Variants in METAP1 observed in about 807,000 individuals in gnomAD.
METAP1 encodes methionyl aminopeptidase 1, also known as methionine aminopeptidase 1.
Under a neutral mutation model 53.8 loss-of-function variants are expected in METAP1, and 28 were observed. That is an observed-to-expected ratio of 0.52 (90% CI 0.39 to 0.71). METAP1 has a LOEUF of 0.71. Among genes scored for constraint, METAP1 ranks in the 30% least tolerant of loss-of-function variants. The pLI is 0.00. For synonymous variants in METAP1, 181 were observed against 165.7 expected, an observed-to-expected ratio of 1.09 and a Z score of -0.71; for missense variants, 389 against 479.8, an observed-to-expected ratio of 0.81 and a Z score of 1.77.
At chr4:99,058,960 C>T (rs910564870) in intron 10 of METAP1, among the ~76,000 whole-genome samples, 8 of 152,174 alleles carry the variant, frequency 5.3e-5, no homozygotes, top group African/African-American at 1.4e-4. Context: ...TTTTTGTCAT[C>T]CTCTTATAAT....
intron 1 of METAP1, among the ~76,000 whole-genome samples, chr4:98,996,217 G>A (rs1190322397): frequency 6.6e-6 from 1 of 152,184 alleles, no homozygotes; most frequent in Non-Finnish European, 1.5e-5. Flanking sequence ...GCGGGCTGCC[G>A]GAGGCAGGTA....
intron 10 of METAP1, among the ~76,000 whole-genome samples, chr4:99,058,123 C>T (rs1425330527): frequency 2.6e-5 from 4 of 152,042 alleles, no homozygotes; most frequent in Admixed American, 6.6e-5. Flanking sequence ...TCTGTGCGGA[C>T]GTTCTTGCTT....
intron 1 of METAP1, among the ~76,000 whole-genome samples, chr4:99,021,931 A>G (rs947079729): frequency 1.3e-5 from 2 of 152,208 alleles, no homozygotes; most frequent in African/African-American, 4.8e-5. Flanking sequence ...TACACATCCT[A>G]ACATTTAACC....
At chr4:99,034,791 C>T (rs1260095490) in intron 3 of METAP1, among the ~76,000 whole-genome samples, 1 of 152,162 alleles carries the variant, frequency 6.6e-6, no homozygotes, top group Non-Finnish European at 1.5e-5. Context: ...CTGTATTATA[C>T]TTTTCTAAAA....
intron 1 of METAP1, among the ~76,000 whole-genome samples, chr4:98,996,422 G>A (rs1722632820): frequency 6.6e-6 from 1 of 152,244 alleles, no homozygotes; most frequent in Non-Finnish European, 1.5e-5. Flanking sequence ...AGGAACGCTA[G>A]CTAGCTCCAG....
At chr4:99,006,212 A>G (rs760060804) in intron 1 of METAP1, among the ~76,000 whole-genome samples, 19 of 152,194 alleles carry the variant, frequency 1.2e-4, no homozygotes, top group Non-Finnish European at 1.5e-4. Flanking sequence ...CAAGGGGCTT[A>G]TGCTATTCTT....
At chr4:99,030,081 T>C (rs1724889950) in intron 2 of METAP1, among the ~76,000 whole-genome samples, 1 of 152,220 alleles carries the variant, frequency 6.6e-6, no homozygotes, top group Non-Finnish European at 1.5e-5. Flanking sequence ...ACATACATCC[T>C]GTGTTTCTAA....
chr4:99,026,302 G>A, intron 1 of METAP1: 1 of 984,920 alleles, frequency 1.0e-6, no homozygotes, highest in African/African-American at 1.7e-5. Flanking sequence ...TAATGCTTTG[G>A]TGTTATTAAA....
Position 99,011,519 on chromosome 4 carries a change from AT to A in METAP1, c.114+15653del, listed in dbSNP as rs145589520. ...AATAAATTCCACTTGGTCATGGTGTATAGTCCTTTCAGTGTGCTATTGAATT... is the reference window on the plus strand; with the variant it reads ...AATAAATTCCACTTGGTCATGGTGTAAGTCCTTTCAGTGTGCTATTGAATT... On this transcript the variant is annotated intron_variant, in intron 1 of 10. Coordinates refer to ENST00000296411, the MANE Select transcript of METAP1 (RefSeq NM_015143.3). Among the ~76,000 whole-genome samples the A allele has an allele frequency of 4.9e-3, 741 of 152,330 alleles. 5 individuals are homozygous for A. The highest frequency in any genetic ancestry group is 0.017 in the African/African-American group (698 of 41,568).
At chr4:98,997,044 A>G (rs1326831206) in intron 1 of METAP1, among the ~76,000 whole-genome samples, 1 of 152,220 alleles carries the variant, frequency 6.6e-6, no homozygotes, top group African/African-American at 2.4e-5. Flanking sequence ...AGATTATCCA[A>G]GGAACGTGAA....
chr4:99,005,878 A>G (rs1238904427), intron 1 of METAP1: 6 of 338,278 alleles, frequency 1.8e-5, no homozygotes, highest in Non-Finnish European at 3.5e-5. Flanking sequence ...TGGGTACTCA[A>G]AGACATTCGG....
At chr4:99,033,031 G>GC (rs1272044351) in intron 2 of METAP1, among the ~76,000 whole-genome samples, 1 of 152,140 alleles carries the variant, frequency 6.6e-6, no homozygotes, top group Non-Finnish European at 1.5e-5. Flanking sequence ...TACCTTAAGG[G>GC]CCTTTCCAGA....
Position 98,995,790 on chromosome 4 carries a change from G to A in METAP1, c.37G>A (p.Gly13Ser), listed in dbSNP as rs1265711553. The change falls in exon 1 of 11, where the codon GGC becomes AGC. Residue 13 changes from glycine to serine, a missense_variant. Gly to Ser is a moderately conservative substitution (Grantham distance 56). Coordinates refer to ENST00000296411, the MANE Select transcript of METAP1 (RefSeq NM_015143.3). ...AVETRVCETD[G>S]CSSEAKLQCP... ...GGAGACGCGGGTGTGCGAGACAGACGGCTGCAGCAGTGAGGCCAAGCTCCA... is the reference window on the plus strand; with the variant it reads ...GGAGACGCGGGTGTGCGAGACAGACAGCTGCAGCAGTGAGGCCAAGCTCCA... The A allele has an allele frequency of 1.3e-6, 2 of 1,546,470 alleles. No homozygotes were observed. Among genetic ancestry groups the A allele is most frequent in the Admixed American group, 2.0e-5 (1 of 50,794 alleles).
chr4:99,015,356 G>A (rs1449606454), intron 1 of METAP1, among the ~76,000 whole-genome samples: 1 of 152,154 alleles, frequency 6.6e-6, no homozygotes, highest in Non-Finnish European at 1.5e-5. Flanking sequence ...GAGGAAGAGG[G>A]AGAAGGCGTA....
chr4:99,004,381 A>T (rs1214621450), intron 1 of METAP1, among the ~76,000 whole-genome samples: 1 of 151,874 alleles, frequency 6.6e-6, no homozygotes. Context: ...GGCCTAAAGC[A>T]CCCAACACTA....
chr4:99,023,684 G>T (rs1018103986), intron 1 of METAP1: 1 of 985,362 alleles, frequency 1.0e-6, no homozygotes, highest in Non-Finnish European at 1.2e-6. Flanking sequence ...TTTGAGAGAG[G>T]TTCAAGATGG....
chr4:99,018,621 A>G (rs752452082), intron 1 of METAP1, among the ~76,000 whole-genome samples: 6 of 152,216 alleles, frequency 3.9e-5, no homozygotes, highest in Non-Finnish European at 8.8e-5. Flanking sequence ...TGATGACTTT[A>G]CAGAATTTTA....
chr4:99,026,306 T>A, intron 1 of METAP1: 1 of 985,140 alleles, frequency 1.0e-6, no homozygotes, highest in Non-Finnish European at 1.2e-6. Context: ...GCTTTGGTGT[T>A]ATTAAATAAG....
intron 6 of METAP1, among the ~76,000 whole-genome samples, chr4:99,041,955 A>G (rs1725905633): frequency 6.6e-6 from 1 of 151,944 alleles, no homozygotes; most frequent in African/African-American, 2.4e-5. Context: ...ATCGTATGCA[A>G]TAATAGCATT....
Sources: gnomAD v4.1 joint callset for allele counts (sites outside exome capture counted in the v4.1 genomes callset) on GRCh38, gnomAD v4.1.1 for gene constraint, MANE v1.5 for transcripts, NCBI Gene and HGNC (gene_info 2026-07-23, HGNC 2026-07-21) for gene names.